The following XPO5 variants were observed in gnomAD, a reference collection of about 807,000 sequenced individuals.
XPO5 encodes exportin 5.
In XPO5, 46 loss-of-function variants were observed where a neutral mutation model predicts 160.6. The ratio of observed to expected loss-of-function variants is 0.29; its 90% CI spans 0.23 to 0.37. The LOEUF (loss-of-function observed/expected upper bound fraction) is 0.37. Among genes scored for constraint, XPO5 ranks in the 10% least tolerant of loss-of-function variants. XPO5 has a pLI of 1.00. For missense variants in XPO5, 1,090 were observed against 1,463.9 expected (o/e 0.74, Z 4.17); for synonymous variants, 537 against 519.3 (o/e 1.03, Z -0.46).
intron 6 of XPO5, among the ~76,000 whole-genome samples, chr6:43,568,299 TC>T (rs1293416855): frequency 6.6e-6 from 1 of 150,604 alleles, no homozygotes; most frequent in Non-Finnish European, 1.5e-5. Flanking sequence ...TGAGCGAGAC[TC>T]CGTCTCAAAA....
rs575586131 is a variant in XPO5 at position 43,528,017 on chromosome 6, G to A, written c.2822+142C>T. 15 of 865,710 alleles carry A rather than the reference G, an allele frequency of 1.7e-5. No homozygotes were observed. In the South Asian group the frequency reaches 2.0e-4, roughly 12 times the overall value. The allele number at this position is 865,710 out of a possible 1,614,324, so 53.6% of individuals were successfully genotyped here. ...TGCTGGTAACAGCCTGTCCAGACAAGCCATGTATCACCTAGGCTGAGAATG... is the reference window on the plus strand; with the variant it reads ...TGCTGGTAACAGCCTGTCCAGACAAACCATGTATCACCTAGGCTGAGAATG... On this transcript the variant is annotated intron_variant, in intron 25 of 31. Coordinates refer to ENST00000265351, the MANE Select transcript of XPO5 (RefSeq NM_020750.3).
At chr6:43,572,687 A>C in intron 2 of XPO5, 109 bp from the exon 3 acceptor site, 3 of 1,203,006 alleles carry the variant, frequency 2.5e-6, no homozygotes, top group Middle Eastern at 1.9e-4. Context: ...TCATTAAGAA[A>C]TTATACTTTT....
intron 26 of XPO5, chr6:43,526,979 G>C (rs944843349): frequency 5.8e-6 from 3 of 520,706 alleles, no homozygotes; most frequent in Non-Finnish European, 1.0e-5. Flanking sequence ...AGAATTCTCT[G>C]AGAGTGAGTG....
Position 43,572,518 on chromosome 6 carries a change from C to T in XPO5, c.288G>A (p.Glu96=). 6.2e-7 allele frequency: 1 copy of T among 1,613,958 alleles called. No homozygotes were observed. The highest frequency in any genetic ancestry group is 8.5e-7 in the Non-Finnish European group (1 of 1,179,894). The change falls in exon 3 of 32, where the codon GAG becomes GAA. Residue 96 remains glutamate, a synonymous_variant. Transcript: ENST00000265351. ...EKVYLKNSVM[E]LIANGTLNIL... ...ACCCATTCCTTACATTTGCAATCAG[C>T]TCCATGACACTGTTCTTCAGATACA...
rs372948162 is a variant in XPO5, at chr6:43,553,463, G to A, written c.1482C>T (p.Ser494=). The change falls in exon 14 of 32, where the codon TCC becomes TCT. Residue 494 remains serine (S), a synonymous_variant. Transcript: ENST00000265351. ...AVGTGEGSLC[S]VFSPSFVQWE... ...ACTGCACGAATGAAGGTGAGAAGAC[G>A]GAACAGAGGCTTCCTTCTCCAGTTC... is the stretch of plus-strand genomic sequence containing the variant. The A allele has an allele frequency of 1.3e-5, 21 of 1,575,576 alleles. No homozygotes were observed. The highest frequency in any genetic ancestry group is 7.0e-5 in the South Asian group (6 of 85,766).
intron 5 of XPO5, among the ~76,000 whole-genome samples, chr6:43,569,667 A>G (rs1762889497): frequency 6.6e-6 from 1 of 150,792 alleles, no homozygotes; most frequent in Non-Finnish European, 1.5e-5. Context: ...CAGGAGGCGG[A>G]GGTTGCAGTG....
chr6:43,525,809 G>A (rs1486448166), intron 28 of XPO5, 30 bp downstream of exon 28: 1 of 1,612,224 alleles, frequency 6.2e-7, no homozygotes, highest in Non-Finnish European at 8.5e-7. Context: ...TGGGCAAGGA[G>A]TAAAGGTATC....
rs755031702 is a variant in XPO5 at position 43,555,823 on chromosome 6, GA to G, written c.1441+12del. ...TAACATTTCACTAACATTCAGTAAT[GA>G]AAAAAACTTACAATTCACAGAACCA... On this transcript the variant is annotated intron_variant, in intron 13 of 31. Transcript: ENST00000265351. 221 of 1,613,556 alleles carry G rather than the reference GA, an allele frequency of 1.4e-4. No individual in the cohort carries two copies. The highest frequency in any genetic ancestry group is 1.7e-4 in the Non-Finnish European group (197 of 1,179,720).
Position 43,565,191 on chromosome 6 carries a change from G to A in XPO5, c.911+469C>T, listed in dbSNP as rs867484645. Reference sequence around the variant, plus strand: ...CTTGCCTTGGACTCCCAAAGTGCTGGAATTACAGGTGTGAGCCACCACATC... The same window carrying A: ...CTTGCCTTGGACTCCCAAAGTGCTGAAATTACAGGTGTGAGCCACCACATC... On this transcript the variant is annotated intron_variant, in intron 8 of 31. Coordinates refer to ENST00000265351, the MANE Select transcript of XPO5 (RefSeq NM_020750.3). 7.9e-5 allele frequency among the ~76,000 whole-genome samples: 12 copies of A among 152,210 alleles called. No individual in the cohort carries two copies. In the Middle Eastern group the frequency reaches 0.01, roughly 129 times the overall value.
chr6:43,528,719 TG>T, intron 24 of XPO5, 108 bp downstream of exon 24: 1 of 1,050,908 alleles, frequency 9.5e-7, no homozygotes, highest in Non-Finnish European at 1.4e-6. Flanking sequence ...CCAGCCAGTC[TG>T]GCAGGGCTAG....
chr6:43,560,742 A>T (rs778934659), intron 10 of XPO5, among the ~76,000 whole-genome samples, 182 bp downstream of exon 10: 6 of 152,196 alleles, frequency 3.9e-5, no homozygotes, highest in Admixed American at 1.3e-4. Context: ...TGACCTAGAC[A>T]AGTGCACTGT....
chr6:43,573,427 A>G, intron 2 of XPO5, 53 bp downstream of exon 2: 1 of 1,605,322 alleles, frequency 6.2e-7, no homozygotes, highest in Non-Finnish European at 8.5e-7. Flanking sequence ...GTTATATAAG[A>G]TATAAAGATC....
intron 20 of XPO5, among the ~76,000 whole-genome samples, chr6:43,540,354 C>T (rs1266379424): frequency 1.3e-5 from 2 of 152,212 alleles, no homozygotes; most frequent in Non-Finnish European, 2.9e-5. Flanking sequence ...TGGCGGGCAC[C>T]TGTAGTCCCA....
intron 5 of XPO5, among the ~76,000 whole-genome samples, chr6:43,569,882 A>G (rs1419054314): frequency 6.6e-6 from 1 of 151,710 alleles, no homozygotes; most frequent in Non-Finnish European, 1.5e-5. Context: ...CAGGAGTTTG[A>G]GACTAGCCTT....
At chr6:43,539,308 G>A in intron 20 of XPO5, 2 of 1,558,774 alleles carry the variant, frequency 1.3e-6, no homozygotes, top group Non-Finnish European at 1.7e-6. Context: ...GGCCACTGTA[G>A]TCCCCGATAG....
intron 28 of XPO5, 33 bp downstream of exon 28, chr6:43,525,806 G>T (rs1260659694): frequency 3.1e-6 from 5 of 1,607,726 alleles, no homozygotes; most frequent in Non-Finnish European, 4.3e-6. Flanking sequence ...ACCTGGGCAA[G>T]GAGTAAAGGT....
chr6:43,528,172 T>G lies in XPO5; in HGVS notation c.2809A>C (p.Arg937=). Residue 937 remains arginine, a synonymous_variant, in exon 25 of 32, where the codon AGG becomes CGG. Transcript: ENST00000265351. ...GGTATCCCTTACCACAGCAGGCTCC[T>G]TTGGTTGATAACTTGCCATTTCTGA... The part of the protein sequence containing the change: ...LSQKWQVINQ[R]SLLCGEDEAA... The G allele has an allele frequency of 6.3e-7, 1 of 1,594,496 alleles. No individual in the cohort carries two copies. Among genetic ancestry groups the G allele is most frequent in the East Asian group, 2.3e-5 (1 of 44,358 alleles).
At chr6:43,559,273 G>C (rs538729783) in intron 11 of XPO5, among the ~76,000 whole-genome samples, 4 of 152,156 alleles carry the variant, frequency 2.6e-5, no homozygotes, top group African/African-American at 7.2e-5. Flanking sequence ...CTCCAGCCTC[G>C]GTGACAGGGT....
At chr6:43,562,032 C>T (rs1054436873) in intron 9 of XPO5, 7 of 406,272 alleles carry the variant, frequency 1.7e-5, no homozygotes, top group African/African-American at 4.1e-5. Context: ...GGATATCTGA[C>T]GTTGGTATAA....
Sources: gnomAD v4.1 joint callset for allele counts (sites outside exome capture counted in the v4.1 genomes callset) on GRCh38, gnomAD v4.1.1 for gene constraint, MANE v1.5 for transcripts, NCBI Gene and HGNC (gene_info 2026-07-23, HGNC 2026-07-21) for gene names.